The following CNTNAP2 variants were observed in gnomAD, a reference collection of about 807,000 sequenced individuals.
The protein encoded by CNTNAP2 is contactin associated protein 2, also known as contactin-associated protein-like 2.
In CNTNAP2, 98 loss-of-function variants were observed where a neutral mutation model predicts 155.2. The observed-to-expected ratio is 0.63, with a 90% confidence interval of 0.54 to 0.75. The LOEUF (loss-of-function observed/expected upper bound fraction) is 0.75, where lower values mean the gene tolerates loss of function less well. CNTNAP2 is among the 30% of genes least tolerant of loss of function. The probability of loss-of-function intolerance (pLI) is 0.00; values close to 1 mark genes in which losing one functional copy is unlikely to be tolerated. For synonymous variants in CNTNAP2, 651 were observed against 631.2 expected, an observed-to-expected ratio of 1.03 and a Z score of -0.47; for missense variants, 1,727 against 1,688.1, an observed-to-expected ratio of 1.02 and a Z score of -0.40.
chr7:147,109,279 C>T (rs768674850), intron 5 of CNTNAP2, among the ~76,000 whole-genome samples: 136 of 152,060 alleles, frequency 8.9e-4, no homozygotes, highest in Non-Finnish European at 1.9e-3. Context: ...TTTAGTGGTA[C>T]ATTCAGCATG....
chr7:146,739,696 T>C (rs954500454), intron 1 of CNTNAP2, among the ~76,000 whole-genome samples: 5 of 152,064 alleles, frequency 3.3e-5, no homozygotes, highest in Non-Finnish European at 7.4e-5. Context: ...TGTAAGTTTC[T>C]TTGTTTTCTG....
chr7:148,157,586 A>AAAAAAAAAAAAG (rs1554398712), intron 17 of CNTNAP2, among the ~76,000 whole-genome samples: 14 of 150,880 alleles, frequency 9.3e-5, no homozygotes, highest in African/African-American at 3.2e-4. Flanking sequence ...AAAAAAAAAA[A>AAAAAAAAAAAAG]GTCACAGAGA....
Position 146,226,084 on chromosome 7 carries a change from A to G in CNTNAP2, c.97+109111A>G, listed in dbSNP as rs112225612. Among the ~76,000 whole-genome samples the G allele has an allele frequency of 6.5e-3, 987 of 152,268 alleles. 6 individuals carry two copies. Among genetic ancestry groups the G allele is most frequent in the Non-Finnish European group, 0.011 (762 of 68,024 alleles). On this transcript the variant is annotated intron_variant, in intron 1 of 23. Coordinates refer to ENST00000361727, the MANE Select transcript of CNTNAP2 (RefSeq NM_014141.6). ...ATCCCATTTCTTAGAACAATTCCCA[A>G]CTTGAAACAGGAAATATCTAGATGG...
At chr7:146,962,837 A>G (rs1357844502) in intron 3 of CNTNAP2, 1 of 152,266 alleles carries the variant, frequency 6.6e-6, no homozygotes, top group Non-Finnish European at 1.5e-5. Context: ...AGCATGAGCC[A>G]TCGCGCCTGG....
At chr7:146,226,704 C>G (rs1799298310) in intron 1 of CNTNAP2, among the ~76,000 whole-genome samples, 1 of 151,936 alleles carries the variant, frequency 6.6e-6, no homozygotes, top group Non-Finnish European at 1.5e-5. Context: ...AACAAACAAA[C>G]ACGTTCTGGA....
At chr7:147,857,731 C>T (rs913549138) in intron 13 of CNTNAP2, among the ~76,000 whole-genome samples, 1 of 152,102 alleles carries the variant, frequency 6.6e-6, no homozygotes, top group Non-Finnish European at 1.5e-5. Context: ...AGCTAAAGTT[C>T]AGAAATAAAA....
chr7:147,562,101 T>G (rs1325125276), intron 11 of CNTNAP2, 37 bp from the exon 12 acceptor site: 1 of 1,613,258 alleles, frequency 6.2e-7, no homozygotes, highest in Non-Finnish European at 8.5e-7. Flanking sequence ...CCATTTGTTC[T>G]GTGCTGTGCT....
chr7:148,301,771 G>A (rs184111634), intron 21 of CNTNAP2, among the ~76,000 whole-genome samples: 1 of 152,254 alleles, frequency 6.6e-6, no homozygotes, highest in Non-Finnish European at 1.5e-5. Context: ...CACACCAGGG[G>A]GTCCGTAGAA....
Position 147,898,117 on chromosome 7 carries a change from A to G in CNTNAP2, c.2099-5448A>G, listed in dbSNP as rs76865826. On this transcript the variant is annotated intron_variant, in intron 13 of 23. Transcript: ENST00000361727. ...ATGGTCATGCCAAGGGAAAATAATA[A>G]CTTCCAAATTAAGTCAACACACAGA... is the stretch of plus-strand genomic sequence containing the variant. Among the ~76,000 whole-genome samples the G allele has an allele frequency of 9.7e-3, 1,485 of 152,322 alleles. 29 individuals are homozygous for G. Among genetic ancestry groups the G allele is most frequent in the African/African-American group, 0.034 (1,400 of 41,564 alleles).
chr7:146,900,376 T>C (rs1795968992), intron 3 of CNTNAP2, among the ~76,000 whole-genome samples: 1 of 152,240 alleles, frequency 6.6e-6, no homozygotes, highest in Non-Finnish European at 1.5e-5. Flanking sequence ...TTCCTGCTTC[T>C]AGTCCTGACC....
intron 1 of CNTNAP2, among the ~76,000 whole-genome samples, chr7:146,121,136 T>TTTTTTTTTC (rs1797557116): frequency 7.8e-6 from 1 of 127,498 alleles, no homozygotes; most frequent in Non-Finnish European, 1.6e-5. Flanking sequence ...TTTTTTTTTT[T>TTTTTTTTTC]TTTTTTTTTT....
rs376234507 is a variant in CNTNAP2, at chr7:146,163,517, C to A, written c.97+46544C>A. Among the ~76,000 whole-genome samples, 11 of 145,078 alleles carry A rather than the reference C, an allele frequency of 7.6e-5. 1 individual carries two copies. The highest frequency in any genetic ancestry group is 4.2e-4 in the South Asian group (2 of 4,756). The stretch of plus-strand genomic sequence containing the variant: ...TCTATATCTATATATCTATATATAT[C>A]TATATATATCTATATATATCTATAT... On this transcript the variant is annotated intron_variant, in intron 1 of 23. Coordinates refer to ENST00000361727, the MANE Select transcript of CNTNAP2 (RefSeq NM_014141.6).
chr7:148,148,696 G>T lies in CNTNAP2; in HGVS notation c.2773+987G>T, dbSNP rs146258664. ...CAGAGTCCCCACAGTGTCTTTCATA[G>T]TTGTGTTGGGAAGCTTGAAGAGCGG... On this transcript the variant is annotated intron_variant, in intron 17 of 23. Coordinates refer to ENST00000361727, the MANE Select transcript of CNTNAP2 (RefSeq NM_014141.6). Among the ~76,000 whole-genome samples, 1,113 of 152,314 alleles carry T rather than the reference G, an allele frequency of 7.3e-3. 44 individuals are homozygous for T. The highest frequency in any genetic ancestry group is 0.054 in the Admixed American group (830 of 15,294).
intron 1 of CNTNAP2, among the ~76,000 whole-genome samples, chr7:146,627,327 T>A (rs1481300325): frequency 2.0e-5 from 3 of 152,148 alleles, no homozygotes; most frequent in Non-Finnish European, 2.9e-5. Context: ...CATATGACTT[T>A]CCTAAACTGA....
At chr7:147,794,578 A>T (rs1199513745) in intron 13 of CNTNAP2, among the ~76,000 whole-genome samples, 1 of 151,054 alleles carries the variant, frequency 6.6e-6, no homozygotes, top group East Asian at 2.0e-4. Flanking sequence ...CACAATTCAT[A>T]AGAGATTTCA....
At chr7:146,919,599 G>A (rs1479123836) in intron 3 of CNTNAP2, among the ~76,000 whole-genome samples, 1 of 152,208 alleles carries the variant, frequency 6.6e-6, no homozygotes, top group African/African-American at 2.4e-5. Flanking sequence ...GCAGGGGAGT[G>A]AAGTGGACTC....
chr7:147,983,702 T>C (rs1801571774), intron 15 of CNTNAP2, among the ~76,000 whole-genome samples: 1 of 152,236 alleles, frequency 6.6e-6, no homozygotes. Context: ...AAAAATGTTC[T>C]GGTTGGAGAT....
intron 13 of CNTNAP2, among the ~76,000 whole-genome samples, chr7:147,783,692 G>A (rs1047235870): frequency 4.6e-5 from 7 of 152,198 alleles, no homozygotes; most frequent in African/African-American, 1.4e-4. Flanking sequence ...GGCTTTGGGA[G>A]GTGATTAGGT....
At chr7:146,707,871 G>A (rs952116382) in intron 1 of CNTNAP2, among the ~76,000 whole-genome samples, 15 of 152,072 alleles carry the variant, frequency 9.9e-5, no homozygotes, top group African/African-American at 3.4e-4. Context: ...CTTGAGTCTT[G>A]ATAACTGATG....
Sources: gnomAD v4.1 joint callset for allele counts (sites outside exome capture counted in the v4.1 genomes callset) on GRCh38, gnomAD v4.1.1 for gene constraint, MANE v1.5 for transcripts, NCBI Gene and HGNC (gene_info 2026-07-23, HGNC 2026-07-21) for gene names.